The following PDE4B variants were observed in gnomAD, a reference collection of about 807,000 sequenced individuals.
The protein encoded by PDE4B is phosphodiesterase 4B.
Under a neutral mutation model 82.2 loss-of-function variants are expected in PDE4B, and 20 were observed. The ratio of observed to expected loss-of-function variants is 0.24; its 90% CI spans 0.17 to 0.35. The LOEUF is 0.35. PDE4B is among the 10% of genes least tolerant of loss of function. PDE4B has a pLI of 1.00. For missense variants in PDE4B, 655 were observed against 907.2 expected, an observed-to-expected ratio of 0.72 and a Z score of 3.57; for synonymous variants, 320 against 318.9, an observed-to-expected ratio of 1.00 and a Z score of -0.04.
intron 3 of PDE4B, among the ~76,000 whole-genome samples, chr1:66,046,491 C>T (rs570876351): frequency 2.6e-5 from 4 of 151,772 alleles, no homozygotes; most frequent in Admixed American, 2.6e-4. Context: ...TAATATCTCC[C>T]AACGTGAAGA....
At chr1:65,965,878 C>T (rs938584331) in intron 3 of PDE4B, among the ~76,000 whole-genome samples, 12 of 152,058 alleles carry the variant, frequency 7.9e-5, no homozygotes, top group South Asian at 2.1e-4. Flanking sequence ...CAGTAAACTA[C>T]GTATTGATGG....
At chr1:65,988,470 CTT>C (rs1169673850) in intron 3 of PDE4B, among the ~76,000 whole-genome samples, 1 of 151,934 alleles carries the variant, frequency 6.6e-6, no homozygotes, top group African/African-American at 2.4e-5. Context: ...GTTACCTTGT[CTT>C]TGACTGAAGG....
At chr1:66,309,064 C>T (rs1399057247) in intron 7 of PDE4B, among the ~76,000 whole-genome samples, 3 of 152,084 alleles carry the variant, frequency 2.0e-5, no homozygotes, top group African/African-American at 7.2e-5. Flanking sequence ...ACAAAAAATC[C>T]TGTGTCTTTA....
At position 66,195,258 on chromosome 1, in the gene PDE4B, A is replaced by G. The variant is rs139526050; in HGVS notation, c.282-52202A>G. Reference sequence around the variant, plus strand: ...TGAATAGGACTACCCTGAAAAATTTATAATTTTCCAGAGCTTCCATGACCT... The same window carrying G: ...TGAATAGGACTACCCTGAAAAATTTGTAATTTTCCAGAGCTTCCATGACCT... On this transcript the variant is annotated intron_variant, in intron 3 of 16. Transcript: ENST00000341517. 2.9e-3 allele frequency among the ~76,000 whole-genome samples: 446 copies of G among 152,298 alleles called. 1 individual carries two copies. Among genetic ancestry groups the G allele is most frequent in the African/African-American group, 9.5e-3 (395 of 41,572 alleles).
intron 1 of PDE4B, among the ~76,000 whole-genome samples, chr1:65,799,682 A>G (rs1190671864): frequency 1.3e-5 from 2 of 152,154 alleles, no homozygotes; most frequent in African/African-American, 4.8e-5. Flanking sequence ...GGATGGTGAC[A>G]GTTGTCCTGG....
intron 2 of PDE4B, among the ~76,000 whole-genome samples, chr1:65,913,579 T>C (rs1444781615): frequency 6.6e-6 from 1 of 152,080 alleles, no homozygotes; most frequent in Non-Finnish European, 1.5e-5. Flanking sequence ...ACTTTTATGG[T>C]TTTCAATCAC....
At chr1:65,793,625 CG>C (rs1645599145) in intron 1 of PDE4B, among the ~76,000 whole-genome samples, 1 of 152,118 alleles carries the variant, frequency 6.6e-6, no homozygotes, top group Non-Finnish European at 1.5e-5. Context: ...CTGCAGGCAG[CG>C]GGCGCGGAAG....
At chr1:66,094,533 T>G (rs1031933754) in intron 3 of PDE4B, 7 of 152,054 alleles carry the variant, frequency 4.6e-5, no homozygotes, top group Non-Finnish European at 1.0e-4. Context: ...ATGATATTGC[T>G]ACTGTGCAAA....
At chr1:66,199,332 A>G (rs541281039) in intron 3 of PDE4B, among the ~76,000 whole-genome samples, 2 of 151,992 alleles carry the variant, frequency 1.3e-5, no homozygotes, top group African/African-American at 2.4e-5. Context: ...ATCTCATTGC[A>G]GTTTTGATTT....
At chr1:66,018,088 T>C (rs1652880154) in intron 3 of PDE4B, among the ~76,000 whole-genome samples, 1 of 152,126 alleles carries the variant, frequency 6.6e-6, no homozygotes, top group Non-Finnish European at 1.5e-5. Context: ...TTTAACTGTT[T>C]CAGCAAAAGG....
At chr1:66,102,619 T>C (rs911547795) in intron 3 of PDE4B, among the ~76,000 whole-genome samples, 2 of 152,096 alleles carry the variant, frequency 1.3e-5, no homozygotes, top group African/African-American at 2.4e-5. Flanking sequence ...AAAATATATC[T>C]CTTTTTCTAT....
intron 3 of PDE4B, among the ~76,000 whole-genome samples, chr1:66,192,182 A>C (rs561610884): frequency 6.6e-6 from 1 of 151,696 alleles, no homozygotes; most frequent in Non-Finnish European, 1.5e-5. Flanking sequence ...AAACTGTTCT[A>C]TCTCTCTCTC....
intron 3 of PDE4B, among the ~76,000 whole-genome samples, chr1:66,042,081 C>A (rs889741259): frequency 6.6e-6 from 1 of 151,768 alleles, no homozygotes; most frequent in Non-Finnish European, 1.5e-5. Flanking sequence ...AAAGGAAATG[C>A]CATAAATGGA....
At chr1:66,055,440 C>T (rs1028813830) in intron 3 of PDE4B, among the ~76,000 whole-genome samples, 2 of 152,196 alleles carry the variant, frequency 1.3e-5, no homozygotes, top group Non-Finnish European at 2.9e-5. Context: ...GTGCCTGGCA[C>T]ATAGTAGCTA....
At chr1:66,221,453 A>G (rs538041) in intron 3 of PDE4B, among the ~76,000 whole-genome samples, 19,330 of 152,136 alleles carry the variant, frequency 0.13, 1,423 homozygotes, top group Non-Finnish European at 0.17. Flanking sequence ...AAAAAAATAA[A>G]TCCATGGTAC....
intron 3 of PDE4B, among the ~76,000 whole-genome samples, chr1:66,192,804 T>G (rs574092678): frequency 6.6e-6 from 1 of 152,180 alleles, no homozygotes; most frequent in African/African-American, 2.4e-5. Flanking sequence ...ATAATAATAA[T>G]AATAGCAGGA....
At chr1:65,845,675 A>G (rs1232812400) in intron 1 of PDE4B, among the ~76,000 whole-genome samples, 1 of 152,172 alleles carries the variant, frequency 6.6e-6, no homozygotes, top group Non-Finnish European at 1.5e-5. Flanking sequence ...CTGTCACTGT[A>G]TTCCATCCAG....
At chr1:65,932,916 C>T (rs115926651) in intron 3 of PDE4B, among the ~76,000 whole-genome samples, 150 of 151,858 alleles carry the variant, frequency 9.9e-4, no homozygotes, top group African/African-American at 3.4e-3. Flanking sequence ...AAAAGAAAAA[C>T]GAATGACAAA....
At chr1:66,229,062 C>T (rs1372975641) in intron 3 of PDE4B, among the ~76,000 whole-genome samples, 3 of 152,102 alleles carry the variant, frequency 2.0e-5, no homozygotes, top group Non-Finnish European at 2.9e-5. Context: ...GGCTGGAGTG[C>T]AGTGGCTCGA....
Sources: allele counts gnomAD v4.1 joint callset (sites outside exome capture counted in the v4.1 genomes callset), GRCh38; gene constraint gnomAD v4.1.1; transcripts MANE v1.5; gene names NCBI Gene and HGNC (gene_info 2026-07-23, HGNC 2026-07-21).